DSCAML1: variants seen among roughly 807,000 people sequenced by gnomAD.
DSCAML1 encodes the protein cell adhesion molecule DSCAML1.
A neutral mutation model predicts 200.5 loss-of-function variants in DSCAML1; 38 were observed. That is an observed-to-expected ratio of 0.19 (90% CI 0.15 to 0.25). The LOEUF (loss-of-function observed/expected upper bound fraction) is 0.25, where lower values mean the gene tolerates loss of function less well. DSCAML1 is among the 10% of genes least tolerant of loss of function. The pLI, the probability that DSCAML1 is intolerant of heterozygous loss-of-function variation, is 1.00. For synonymous variants in DSCAML1, 1,215 were observed against 1,165.0 expected, an observed-to-expected ratio of 1.04 and a Z score of -0.87; for missense variants, 2,223 against 2,858.8, an observed-to-expected ratio of 0.78 and a Z score of 5.07.
intron 21 of DSCAML1, 85 bp from the exon 22 acceptor site, chr11:117,440,021 C>T: frequency 8.4e-7 from 1 of 1,184,722 alleles, no homozygotes. Flanking sequence ...CCTGGATTTA[C>T]AGTTCAAATC....
Position 117,777,067 on chromosome 11 carries a change from C to T in DSCAML1, c.365-130G>A, listed in dbSNP as rs1026733912. 5.9e-5 allele frequency: 58 copies of T among 990,654 alleles called. 2 individuals carry two copies. The Admixed American group carries it at 1.2e-3, about 21-fold the overall frequency. The allele number at this position is 990,654 out of a possible 1,614,324, so 61.4% of individuals were successfully genotyped here. Reference sequence around the variant, plus strand: ...CTCACCTTCCCACTTCTTCCTTCCCCCATCCTGCTTAGCCAGCCTAGAAGC... The same window carrying T: ...CTCACCTTCCCACTTCTTCCTTCCCTCATCCTGCTTAGCCAGCCTAGAAGC... On this transcript the variant is annotated intron_variant, in intron 2 of 32. Coordinates refer to ENST00000651296, the MANE Select transcript of DSCAML1 (RefSeq NM_020693.4).
At chr11:117,778,146 T>C (rs537684191) in intron 2 of DSCAML1, among the ~76,000 whole-genome samples, 12 of 152,350 alleles carry the variant, frequency 7.9e-5, no homozygotes, top group African/African-American at 2.6e-4. Context: ...CCTCGGCCTT[T>C]ATTCTTTCCC....
intron 31 of DSCAML1, 95 bp from the exon 32 acceptor site, chr11:117,431,128 T>G (rs1203424766): frequency 7.7e-7 from 1 of 1,292,500 alleles, no homozygotes; most frequent in African/African-American, 1.5e-5. Context: ...AGCAGCCATC[T>G]GTAAGTCTGG....
intron 1 of DSCAML1, among the ~76,000 whole-genome samples, chr11:117,804,823 G>A (rs762147265): frequency 3.9e-5 from 6 of 152,158 alleles, no homozygotes; most frequent in Admixed American, 1.3e-4. Flanking sequence ...CCAGCTACTC[G>A]GGAGGTTGAG....
chr11:117,690,992 T>C (rs769734935), intron 3 of DSCAML1, among the ~76,000 whole-genome samples: 66 of 152,192 alleles, frequency 4.3e-4, no homozygotes, highest in Non-Finnish European at 6.9e-4. Flanking sequence ...AGGGCTCCCG[T>C]GACACATGCG....
In DSCAML1 at chr11:117,675,470, A is replaced by ATTT. The variant is rs533948278; in HGVS notation, c.511+101318_511+101320dup. Among the ~76,000 whole-genome samples the ATTT allele has an allele frequency of 9.4e-4, 91 of 96,930 alleles. 1 individual carries two copies. Among genetic ancestry groups the ATTT allele is most frequent in the African/African-American group, 3.7e-3 (76 of 20,738 alleles). The allele number at this position is 96,930 out of a possible 152,430, so 63.6% of individuals were successfully genotyped here. A position where few individuals can be genotyped will look rare whatever the true frequency, so the allele number is the denominator to read the frequency against. On this transcript the variant is annotated intron_variant, in intron 3 of 32. Transcript: ENST00000651296. The stretch of plus-strand genomic sequence containing the variant: ...GTGCCCCTATGCCTGGCTGATTGAA[A>ATTT]TTTTTTTTTTTTTTTTTTTTTTTTT...
At chr11:117,467,846 A>G (rs1390263772) in intron 16 of DSCAML1, among the ~76,000 whole-genome samples, 1 of 152,148 alleles carries the variant, frequency 6.6e-6, no homozygotes, top group Admixed American at 6.6e-5. Flanking sequence ...ATCGACCCCC[A>G]TTCTCACGCT....
intron 1 of DSCAML1, among the ~76,000 whole-genome samples, chr11:117,787,290 G>A (rs2055374935): frequency 6.6e-6 from 1 of 152,212 alleles, no homozygotes; most frequent in Non-Finnish European, 1.5e-5. Flanking sequence ...TCTGCTTTAT[G>A]TAAGTGCCTG....
intron 3 of DSCAML1, among the ~76,000 whole-genome samples, chr11:117,603,409 C>A (rs900571021): frequency 6.6e-6 from 1 of 152,196 alleles, no homozygotes; most frequent in Non-Finnish European, 1.5e-5. Context: ...TTATTTGGAT[C>A]TTTGCTCCGT....
At chr11:117,735,023 C>G (rs1026134710) in intron 3 of DSCAML1, among the ~76,000 whole-genome samples, 1 of 152,142 alleles carries the variant, frequency 6.6e-6, no homozygotes, top group African/African-American at 2.4e-5. Context: ...TCAGGTCAGG[C>G]TGTGGAGAGT....
intron 18 of DSCAML1, among the ~76,000 whole-genome samples, chr11:117,460,885 G>T (rs1271466870): frequency 6.6e-6 from 1 of 152,064 alleles, no homozygotes; most frequent in Non-Finnish European, 1.5e-5. Flanking sequence ...CCTGGGTTCT[G>T]GTAGCCCTGC....
chr11:117,492,511 C>A (rs2049202472), intron 11 of DSCAML1, among the ~76,000 whole-genome samples: 1 of 152,182 alleles, frequency 6.6e-6, no homozygotes, highest in African/African-American at 2.4e-5. Context: ...GTGTTCAAGG[C>A]TCGGATCGCC....
At chr11:117,470,079 C>G (rs1306483478) in intron 15 of DSCAML1, 99 bp from the exon 16 acceptor site, 6 of 1,157,900 alleles carry the variant, frequency 5.2e-6, no homozygotes, top group Non-Finnish European at 7.1e-6. Context: ...TGGAGGGCTC[C>G]TGGGGAGAAG....
chr11:117,747,805 T>A (rs2054542335), intron 3 of DSCAML1, among the ~76,000 whole-genome samples: 1 of 151,552 alleles, frequency 6.6e-6, no homozygotes, highest in South Asian at 2.1e-4. Context: ...TGGGGCAGAG[T>A]TTTATAAACC....
At chr11:117,781,214 C>T (rs2055254778) in intron 1 of DSCAML1, among the ~76,000 whole-genome samples, 1 of 150,816 alleles carries the variant, frequency 6.6e-6, no homozygotes, top group African/African-American at 2.4e-5. Context: ...TCGCTTGAAC[C>T]TGGGAGTCAG....
intron 18 of DSCAML1, among the ~76,000 whole-genome samples, chr11:117,459,198 G>A (rs113950521): frequency 1.3e-5 from 2 of 152,294 alleles, no homozygotes; most frequent in East Asian, 1.9e-4. Context: ...TCTTTAAAAC[G>A]CCTCTCTCCA....
intron 11 of DSCAML1, among the ~76,000 whole-genome samples, chr11:117,483,436 T>C (rs536793840): frequency 9.2e-5 from 14 of 152,312 alleles, no homozygotes; most frequent in African/African-American, 2.9e-4. Context: ...CAAGGATTCA[T>C]TGAGACCTTC....
At chr11:117,779,101 T>C (rs998085022) in intron 2 of DSCAML1, among the ~76,000 whole-genome samples, 37 of 152,168 alleles carry the variant, frequency 2.4e-4, no homozygotes, top group African/African-American at 8.2e-4. Flanking sequence ...CACATGCTGG[T>C]TGGGAGGCCT....
chr11:117,561,001 G>T (rs922392971), intron 3 of DSCAML1, among the ~76,000 whole-genome samples: 1 of 152,194 alleles, frequency 6.6e-6, no homozygotes, highest in Admixed American at 6.5e-5. Context: ...GATGGAGGGC[G>T]GGTGCTGGGG....
Sources: gnomAD v4.1 joint callset for allele counts (sites outside exome capture counted in the v4.1 genomes callset) on GRCh38, gnomAD v4.1.1 for gene constraint, MANE v1.5 for transcripts, NCBI Gene and HGNC (gene_info 2026-07-23, HGNC 2026-07-21) for gene names.